The following SEC14L1 variants were observed in gnomAD, a reference collection of about 807,000 sequenced individuals.
SEC14L1 encodes the protein SEC14 like lipid binding 1, also known as SEC14-like protein 1.
A neutral mutation model predicts 85.3 loss-of-function variants in SEC14L1; 48 were observed. That is an observed-to-expected ratio of 0.56 (90% CI 0.45 to 0.72). SEC14L1 has a LOEUF of 0.72. SEC14L1 is among the 30% of genes least tolerant of loss of function. The pLI is 0.00. For synonymous variants in SEC14L1, 391 were observed against 355.5 expected, an observed-to-expected ratio of 1.10 and a Z score of -1.12; for missense variants, 682 against 921.4, an observed-to-expected ratio of 0.74 and a Z score of 3.36.
chr17:77,129,360 CA>C (rs1972547009), intron 3 of SEC14L1, among the ~76,000 whole-genome samples: 1 of 152,076 alleles, frequency 6.6e-6, no homozygotes, highest in Non-Finnish European at 1.5e-5. Flanking sequence ...GTGGCTCAAT[CA>C]GACCCACAGG....
At chr17:77,089,389 A>G in intron 2 of SEC14L1, 1 of 519,106 alleles carries the variant, frequency 1.9e-6, no homozygotes, top group South Asian at 1.4e-5. Context: ...ACCCTGACCT[A>G]AAGTAAATTC....
chr17:77,196,522 T>C (rs1413374981), intron 8 of SEC14L1, among the ~76,000 whole-genome samples: 3 of 152,242 alleles, frequency 2.0e-5, no homozygotes, highest in Non-Finnish European at 4.4e-5. Context: ...TTCTAGACTT[T>C]ACAGAGCAAG....
At chr17:77,144,696 T>C in intron 3 of SEC14L1, 1 of 152,402 alleles carries the variant, frequency 6.6e-6, no homozygotes, top group Non-Finnish European at 1.5e-5. Context: ...CACTGCAACC[T>C]CCATCTCCTG....
rs553461632 is a variant in SEC14L1, at chr17:77,216,452, G to A, written c.*2429G>A. 1.2e-4 allele frequency: 187 copies of A among 1,606,662 alleles called. No homozygotes were observed. In the African/African-American group the frequency reaches 2.0e-3, roughly 17 times the overall value. ...GTAGGGTTCGTAGGTAGGGTTAGTA[G>A]CGCGTCTGTGCTGCTTCCACCTGGT... is the stretch of plus-strand genomic sequence containing the variant. On this transcript the variant is annotated 3_prime_UTR_variant, in exon 17 of 17. Coordinates refer to ENST00000436233, the MANE Select transcript of SEC14L1 (RefSeq NM_001143998.2).
At chr17:77,172,810 G>A (rs537960887) in intron 3 of SEC14L1, among the ~76,000 whole-genome samples, 1 of 152,256 alleles carries the variant, frequency 6.6e-6, no homozygotes, top group African/African-American at 2.4e-5. Context: ...GAATGTTTTG[G>A]ATGCGGAATA....
At chr17:77,177,882 C>T (rs1203644041) in intron 3 of SEC14L1, among the ~76,000 whole-genome samples, 3 of 152,110 alleles carry the variant, frequency 2.0e-5, no homozygotes, top group African/African-American at 4.8e-5. Context: ...ACAATTTTGA[C>T]AGGACACATG....
chr17:77,162,668 C>T (rs1974115593), intron 3 of SEC14L1, among the ~76,000 whole-genome samples: 1 of 151,916 alleles, frequency 6.6e-6, no homozygotes, highest in African/African-American at 2.4e-5. Context: ...CCCGTCTCTA[C>T]TAAAAATACA....
Position 77,214,214 on chromosome 17 carries a change from A to G in SEC14L1, c.*191A>G. 1.4e-6 allele frequency: 2 copies of G among 1,392,090 alleles called. No individual in the cohort carries two copies. Among genetic ancestry groups the G allele is most frequent in the Non-Finnish European group, 1.9e-6 (2 of 1,076,588 alleles). 86.2% of individuals were successfully genotyped at this position (1,392,090 alleles called of 1,614,324 possible). A position where few individuals can be genotyped will look rare whatever the true frequency, so the allele number is the denominator to read the frequency against. On this transcript the variant is annotated 3_prime_UTR_variant, in exon 17 of 17. Transcript: ENST00000436233. ...GCAGGTAGTTTTAACTCTGATCCTA[A>G]CTTAACTCAATAGCCATAGATTTTG...
chr17:77,121,285 G>A (rs1263085012), intron 3 of SEC14L1, among the ~76,000 whole-genome samples: 1 of 152,214 alleles, frequency 6.6e-6, no homozygotes, highest in Non-Finnish European at 1.5e-5. Context: ...AGAAGTGGTA[G>A]GAGAGGCAGA....
intron 1 of SEC14L1, chr17:77,141,342 GC>G (rs1263672266): frequency 9.1e-5 from 2 of 22,008 alleles, no homozygotes; most frequent in Non-Finnish European, 1.7e-4. Flanking sequence ...CCCCTCCCCC[GC>G]CCCCACCCCC....
chr17:77,110,858 A>G (rs1415811552), intron 3 of SEC14L1, among the ~76,000 whole-genome samples: 1 of 139,734 alleles, frequency 7.2e-6, no homozygotes, highest in Non-Finnish European at 1.5e-5. Context: ...AGCTTGGGCG[A>G]CAGAGTGAGA....
At chr17:77,135,426 C>T (rs1371846815) in intron 3 of SEC14L1, among the ~76,000 whole-genome samples, 1 of 152,230 alleles carries the variant, frequency 6.6e-6, no homozygotes, top group Non-Finnish European at 1.5e-5. Context: ...CCCTATTTCT[C>T]ATTTCTAGCA....
At chr17:77,198,594 A>G (rs1472784737) in intron 8 of SEC14L1, among the ~76,000 whole-genome samples, 1 of 139,110 alleles carries the variant, frequency 7.2e-6, no homozygotes, top group Non-Finnish European at 1.5e-5. Flanking sequence ...TTTTTTTTTG[A>G]GACGGAGTCT....
intron 3 of SEC14L1, among the ~76,000 whole-genome samples, chr17:77,116,622 A>G (rs773177413): frequency 6.6e-6 from 1 of 152,208 alleles, no homozygotes; most frequent in Non-Finnish European, 1.5e-5. Context: ...GTAAAACTGA[A>G]AGGCTCATAT....
chr17:77,117,875 C>A (rs1972212668), intron 3 of SEC14L1, among the ~76,000 whole-genome samples: 1 of 152,206 alleles, frequency 6.6e-6, no homozygotes, highest in African/African-American at 2.4e-5. Flanking sequence ...TGGGACCCAG[C>A]ATGATAAGAA....
At chr17:77,089,068 G>T (rs183834815) in intron 1 of SEC14L1, 1 of 203,164 alleles carries the variant, frequency 4.9e-6, no homozygotes. Flanking sequence ...GTCCCTGGCT[G>T]GGTTAGCCCA....
At chr17:77,106,079 C>T (rs540147728) in intron 3 of SEC14L1, among the ~76,000 whole-genome samples, 7 of 152,204 alleles carry the variant, frequency 4.6e-5, no homozygotes, top group East Asian at 1.9e-4. Flanking sequence ...TTTCCTTCTC[C>T]GTGGCCAGGG....
At chr17:77,111,187 A>G (rs1317024833) in intron 3 of SEC14L1, among the ~76,000 whole-genome samples, 1 of 139,944 alleles carries the variant, frequency 7.1e-6, no homozygotes, top group African/African-American at 2.5e-5. Context: ...CTCTGTCTCA[A>G]AAAGAAAAAA....
upstream of SEC14L1, among the ~76,000 whole-genome samples, chr17:77,137,263 G>T (rs538637608): frequency 1.4e-4 from 22 of 152,212 alleles, no homozygotes; most frequent in South Asian, 2.1e-4. Flanking sequence ...TGCTTAAGAG[G>T]TTCCACAGGC....
Sources: allele counts gnomAD v4.1 joint callset (sites outside exome capture counted in the v4.1 genomes callset), GRCh38; gene constraint gnomAD v4.1.1; transcripts MANE v1.5; gene names NCBI Gene and HGNC (gene_info 2026-07-23, HGNC 2026-07-21).